Variants in NAA15 observed in about 807,000 individuals in gnomAD.
NAA15 encodes N-terminal acetyltransferase.
NAA15 carries 34 observed loss-of-function variants against 114.0 expected under a neutral mutation model. That is an observed-to-expected ratio of 0.30 (90% CI 0.23 to 0.40). The LOEUF is 0.40. Ranked by LOEUF, NAA15 falls within the 10% of genes least tolerant of loss-of-function variation. The probability of loss-of-function intolerance (pLI) is 1.00; values close to 1 mark genes in which losing one functional copy is unlikely to be tolerated. For synonymous variants in NAA15, 340 were observed against 338.0 expected (o/e 1.01, Z -0.06); for missense variants, 658 against 1,004.5 (o/e 0.66, Z 4.66).
At position 139,360,514 on chromosome 4, in the gene NAA15, G is replaced by C; in HGVS notation, c.1425G>C (p.Ala475=). ...TTTCTGTATAGGAAGGAACATCAGC[G>C]GTAGAGAATTTGAATGAAATGCAGT... ...CSKFTREGTS[A]VENLNEMQCM... Residue 475 remains alanine (A), a synonymous_variant, in exon 13 of 20, where the codon GCG becomes GCC. Transcript: ENST00000296543. The C allele has an allele frequency of 6.3e-7, 1 of 1,589,628 alleles. No individual in the cohort carries two copies. Among genetic ancestry groups the C allele is most frequent in the Non-Finnish European group, 8.6e-7 (1 of 1,169,102 alleles).
Position 139,390,347 on chromosome 4 carries a change from T to C in NAA15, c.*2263T>C, listed in dbSNP as rs756561537. 1.3e-5 allele frequency: 2 copies of C among 152,664 alleles called. No individual in the cohort carries two copies. The highest frequency in any genetic ancestry group is 2.9e-5 in the Non-Finnish European group (2 of 68,046). 9.5% of individuals were successfully genotyped at this position (152,664 alleles called of 1,614,324 possible). A position where few individuals can be genotyped will look rare whatever the true frequency, so the allele number is the denominator to read the frequency against. ...TTGGTGTCAGAGGACCTTGACTGGG[T>C]TCATTTTATGTCCAGACATCACCCC... is the stretch of plus-strand genomic sequence containing the variant. On this transcript the variant is annotated 3_prime_UTR_variant, in exon 20 of 20. Transcript: ENST00000296543.
At chr4:139,374,341 A>G (rs1748524345) in intron 15 of NAA15, among the ~76,000 whole-genome samples, 1 of 152,190 alleles carries the variant, frequency 6.6e-6, no homozygotes, top group Non-Finnish European at 1.5e-5. Context: ...AGGGAGACAA[A>G]GAATAATATG....
chr4:139,328,851 C>G (rs986662991), intron 1 of NAA15, among the ~76,000 whole-genome samples: 2 of 151,180 alleles, frequency 1.3e-5, no homozygotes, highest in African/African-American at 4.9e-5. Flanking sequence ...CAGGCGTGAG[C>G]CACTGTGCCC....
chr4:139,360,670 C>A, intron 13 of NAA15, 42 bp downstream of exon 13: 2 of 1,518,356 alleles, frequency 1.3e-6, no homozygotes, highest in South Asian at 1.3e-5. Context: ...TTTATTCTGT[C>A]GATGGTTTTG....
Position 139,360,532 on chromosome 4 carries a change from A to G in NAA15, c.1443A>G (p.Glu481=). 6.3e-7 allele frequency: 1 copy of G among 1,599,868 alleles called. No individual in the cohort carries two copies. The highest frequency in any genetic ancestry group is 8.5e-7 in the Non-Finnish European group (1 of 1,174,260). ...CATCAGCGGTAGAGAATTTGAATGAAATGCAGTGCATGTGGTTCCAAACAG... is the reference window on the plus strand; with the variant it reads ...CATCAGCGGTAGAGAATTTGAATGAGATGCAGTGCATGTGGTTCCAAACAG... ...EGTSAVENLN[E]MQCMWFQTEC... Residue 481 remains glutamate, a synonymous_variant, in exon 13 of 20, where the codon GAA becomes GAG. Coordinates refer to ENST00000296543, the MANE Select transcript of NAA15 (RefSeq NM_057175.5).
Position 139,357,412 on chromosome 4 carries a change from A to T in NAA15, c.1114A>T (p.Thr372Ser). The T allele has an allele frequency of 1.9e-6, 3 of 1,613,818 alleles. No homozygotes were observed. Among genetic ancestry groups the T allele is most frequent in the Non-Finnish European group, 2.5e-6 (3 of 1,179,864 alleles). Reference protein sequence around the residue: ...NDDGKEEPPTTLLWVQYYLAQ... With the variant: ...NDDGKEEPPTSLLWVQYYLAQ... Reference sequence around the variant, plus strand: ...TGATGGAAAGGAGGAACCACCAACCACATTACTTTGGGTCCAGTACTACTT... The same window carrying T: ...TGATGGAAAGGAGGAACCACCAACCTCATTACTTTGGGTCCAGTACTACTT... The change falls in exon 11 of 20, where the codon ACA (threonine) becomes TCA (serine). Residue 372 changes from threonine to serine, a missense_variant. This residue lies in a region of NAA15 where 281 missense variants were observed against 389.1 expected (regional missense o/e 0.72). Coordinates refer to ENST00000296543, the MANE Select transcript of NAA15 (RefSeq NM_057175.5).
At chr4:139,345,790 A>C (rs1336877076) in intron 6 of NAA15, among the ~76,000 whole-genome samples, 2 of 152,044 alleles carry the variant, frequency 1.3e-5, no homozygotes, top group Admixed American at 1.3e-4. Flanking sequence ...GCGTGGTGGC[A>C]GGCGCCTGTA....
At chr4:139,344,063 A>T in intron 5 of NAA15, 123 bp from the exon 6 acceptor site, 4 of 753,262 alleles carry the variant, frequency 5.3e-6, no homozygotes, top group East Asian at 2.8e-5. Context: ...AGAATTTTTT[A>T]AAAATTAGTT....
intron 15 of NAA15, among the ~76,000 whole-genome samples, chr4:139,371,309 A>G (rs185892496): frequency 2.0e-5 from 3 of 152,060 alleles, no homozygotes; most frequent in Admixed American, 2.0e-4. Flanking sequence ...TGATATTGCT[A>G]TGAGAAATAT....
chr4:139,302,163 C>A (rs988111330), intron 1 of NAA15: 4 of 286,694 alleles, frequency 1.4e-5, no homozygotes, highest in Non-Finnish European at 2.6e-5. Context: ...TGGGCGACAC[C>A]GGCAGGAGTC....
intron 1 of NAA15, among the ~76,000 whole-genome samples, chr4:139,321,772 C>T (rs535291695): frequency 1.2e-4 from 18 of 150,278 alleles, no homozygotes; most frequent in Admixed American, 5.3e-4. Context: ...TGTGAGCCAC[C>T]GTGCCTGGCC....
In NAA15 at chr4:139,315,050, G is replaced by T. The variant is rs1560953015; in HGVS notation, c.54+13219G>T. Among the ~76,000 whole-genome samples, 647 of 86,072 alleles carry T rather than the reference G, an allele frequency of 7.5e-3. 45 individuals carry two copies. Among genetic ancestry groups the T allele is most frequent in the Non-Finnish European group, 8.6e-3 (345 of 39,912 alleles). 56.5% of individuals were successfully genotyped at this position (86,072 alleles called of 152,430 possible). A position where few individuals can be genotyped will look rare whatever the true frequency, so the allele number is the denominator to read the frequency against. On this transcript the variant is annotated intron_variant, in intron 1 of 19. Transcript: ENST00000296543. ...GGTTAGGTTAGGTTAGGTTAGGTTAGGTTAGTTTAGTTTAGTTTAGTTTAG... is the reference window on the plus strand; with the variant it reads ...GGTTAGGTTAGGTTAGGTTAGGTTATGTTAGTTTAGTTTAGTTTAGTTTAG...
rs777785363 is a variant in NAA15 at position 139,360,450 on chromosome 4, A to G, written c.1411-50A>G. The G allele has an allele frequency of 3.5e-6, 5 of 1,430,566 alleles. No homozygotes were observed. The East Asian group carries it at 7.9e-5, about 23-fold the overall frequency. 88.6% of individuals were successfully genotyped at this position (1,430,566 alleles called of 1,614,324 possible). ...TTGTTTTTTAAAATTCTGTGGTAGA[A>G]TGATGTCTATGATAAAAAGTGATCT... On this transcript the variant is annotated intron_variant, in intron 12 of 19. Coordinates refer to ENST00000296543, the MANE Select transcript of NAA15 (RefSeq NM_057175.5).
Position 139,304,800 on chromosome 4 carries a change from C to G in NAA15, c.54+2969C>G, listed in dbSNP as rs1028717102. Among the ~76,000 whole-genome samples, 6 of 152,266 alleles carry G rather than the reference C, an allele frequency of 3.9e-5. No homozygotes were observed. In the East Asian group the frequency reaches 9.6e-4, roughly 24 times the overall value. On this transcript the variant is annotated intron_variant, in intron 1 of 19. Coordinates refer to ENST00000296543, the MANE Select transcript of NAA15 (RefSeq NM_057175.5). ...AAGTTCCTTCAGTCCAAAGTACCCC[C>G]CTCTGTTGCCCTTTTAGAACCACAT...
chr4:139,336,777 G>A, intron 2 of NAA15, 71 bp from the exon 3 acceptor site: 1 of 850,508 alleles, frequency 1.2e-6, no homozygotes, highest in South Asian at 2.9e-5. Flanking sequence ...TGAGATTATG[G>A]TTCTGTTGTT....
chr4:139,354,749 T>C (rs747623439), intron 10 of NAA15, among the ~76,000 whole-genome samples: 12 of 152,242 alleles, frequency 7.9e-5, no homozygotes, highest in Non-Finnish European at 1.3e-4. Flanking sequence ...TCTCCTACTT[T>C]TCTCTACTCC....
In NAA15 at chr4:139,388,074, A is replaced by C; in HGVS notation, c.2591A>C (p.Asn864Thr). The change falls in exon 20 of 20, where the codon AAT (asparagine) becomes ACT (threonine). Residue 864 changes from asparagine (N) to threonine (T), a missense_variant. By Grantham distance (65) the Asn-to-Thr change is moderately conservative. This residue lies in a region of NAA15 where 275 missense variants were observed against 371.1 expected (regional missense o/e 0.74). Transcript: ENST00000296543. ...DSSAEAEELANEI is the reference protein window; with the variant it reads ...DSSAEAEELATEI Reference sequence around the variant, plus strand: ...TCTGCAGAAGCTGAAGAACTGGCCAATGAAATTTGAACATCACTAAACAAG... The same window carrying C: ...TCTGCAGAAGCTGAAGAACTGGCCACTGAAATTTGAACATCACTAAACAAG... 6.2e-7 allele frequency: 1 copy of C among 1,613,580 alleles called. No homozygotes were observed. Among genetic ancestry groups the C allele is most frequent in the Non-Finnish European group, 8.5e-7 (1 of 1,179,668 alleles).
At chr4:139,355,595 C>A (rs1204614733) in intron 10 of NAA15, among the ~76,000 whole-genome samples, 1 of 152,048 alleles carries the variant, frequency 6.6e-6, no homozygotes, top group South Asian at 2.1e-4. Context: ...AAATTCCATT[C>A]CTTGGTTGCA....
At chr4:139,328,367 T>G (rs2110881966) in intron 1 of NAA15, among the ~76,000 whole-genome samples, 1 of 150,938 alleles carries the variant, frequency 6.6e-6, no homozygotes, top group Admixed American at 6.6e-5. Context: ...CCACCACGCC[T>G]GGCTAACTTT....
Sources: allele counts gnomAD v4.1 joint callset (sites outside exome capture counted in the v4.1 genomes callset), GRCh38; gene constraint gnomAD v4.1.1; regional missense constraint gnomAD v4.1.1; transcripts MANE v1.5; gene names NCBI Gene and HGNC (gene_info 2026-07-23, HGNC 2026-07-21).